The following MLLT3 variants were observed in gnomAD, a reference collection of about 807,000 sequenced individuals.
MLLT3 encodes the protein MLLT3 super elongation complex subunit.
In MLLT3, 4 loss-of-function variants were observed where a neutral mutation model predicts 53.2. The ratio of observed to expected loss-of-function variants is 0.08; its 90% confidence interval spans 0.04 to 0.17. The LOEUF is 0.17. Among genes scored for constraint, MLLT3 ranks in the 10% least tolerant of loss-of-function variants. The probability of loss-of-function intolerance (pLI) is 1.00; values close to 1 mark genes in which losing one functional copy is unlikely to be tolerated. For synonymous variants in MLLT3, 283 were observed against 230.6 expected (o/e 1.23, Z -2.06); for missense variants, 569 against 684.0 (o/e 0.83, Z 1.87).
At chr9:20,495,396 A>T (rs1023424216) in intron 2 of MLLT3, among the ~76,000 whole-genome samples, 1 of 152,204 alleles carries the variant, frequency 6.6e-6, no homozygotes, top group Non-Finnish European at 1.5e-5. Flanking sequence ...GAGAAGCACT[A>T]GTCTAGAGGT....
chr9:20,444,342 T>C (rs1024403904), intron 4 of MLLT3, among the ~76,000 whole-genome samples: 4 of 152,148 alleles, frequency 2.6e-5, no homozygotes, highest in Non-Finnish European at 4.4e-5. Context: ...CAGAGTACAC[T>C]TGGTCCTTTT....
chr9:20,544,642 A>G (rs1184559949), intron 2 of MLLT3, among the ~76,000 whole-genome samples: 2 of 152,256 alleles, frequency 1.3e-5, no homozygotes, highest in Admixed American at 1.3e-4. Context: ...TTGGGGATAC[A>G]AAATGGTAGA....
rs574367437 is a variant in MLLT3 at position 20,621,345 on chromosome 9, G to A, written c.13-511C>T. Among the ~76,000 whole-genome samples the A allele has an allele frequency of 2.4e-4, 37 of 152,160 alleles. No homozygotes were observed. Among genetic ancestry groups the A allele is most frequent in the African/African-American group, 8.2e-4 (34 of 41,508 alleles). ...GCGTGCGTGTGGAGCGCTGTGCCAG[G>A]CGAAATGGAAACTACAGGCAGCCTC... On this transcript the variant is annotated intron_variant, in intron 1 of 10. Coordinates refer to ENST00000380338, the MANE Select transcript of MLLT3 (RefSeq NM_004529.4). This position sits in a 1 kb window ranked among gnomAD's most constrained non-coding sequence, Gnocchi z 7.0.
intron 5 of MLLT3, among the ~76,000 whole-genome samples, chr9:20,403,568 G>C (rs1822508141): frequency 6.6e-6 from 1 of 152,166 alleles, no homozygotes; most frequent in African/African-American, 2.4e-5. Flanking sequence ...AAAGTTGATA[G>C]ACAATGACAG....
intron 2 of MLLT3, among the ~76,000 whole-genome samples, chr9:20,457,099 C>A (rs1160133537): frequency 6.6e-6 from 1 of 152,108 alleles, no homozygotes; most frequent in African/African-American, 2.4e-5. Flanking sequence ...TTTAGGGAAA[C>A]TGATGATTGC....
At chr9:20,490,321 A>G (rs1269409022) in intron 2 of MLLT3, among the ~76,000 whole-genome samples, 1 of 152,242 alleles carries the variant, frequency 6.6e-6, no homozygotes, top group Non-Finnish European at 1.5e-5. Context: ...AAAAGTGAAG[A>G]ACTTTCTTCA....
intron 5 of MLLT3, among the ~76,000 whole-genome samples, chr9:20,376,092 GA>G (rs1228367134): frequency 6.6e-6 from 1 of 151,864 alleles, no homozygotes; most frequent in African/African-American, 2.4e-5. Context: ...TAATATCCAA[GA>G]AAAAAATACC....
At chr9:20,514,516 A>AT (rs145034146) in intron 2 of MLLT3, among the ~76,000 whole-genome samples, 3,997 of 148,932 alleles carry the variant, frequency 0.027, 134 homozygotes, top group Middle Eastern at 0.087. Context: ...TTATTTTTTT[A>AT]TTTTTTTTTT....
At chr9:20,537,111 T>C (rs1818509636) in intron 2 of MLLT3, among the ~76,000 whole-genome samples, 1 of 152,238 alleles carries the variant, frequency 6.6e-6, no homozygotes, top group Non-Finnish European at 1.5e-5. Flanking sequence ...ATGAGCTGTT[T>C]CAACATATGC....
At chr9:20,503,572 C>T (rs1039849145) in intron 2 of MLLT3, among the ~76,000 whole-genome samples, 2 of 152,034 alleles carry the variant, frequency 1.3e-5, no homozygotes, top group South Asian at 2.1e-4. Context: ...CAAATGTAAA[C>T]CTTGAAACCA....
intron 4 of MLLT3, among the ~76,000 whole-genome samples, chr9:20,419,395 A>C (rs546063942): frequency 4.0e-4 from 61 of 152,114 alleles, no homozygotes; most frequent in African/African-American, 1.4e-3. Flanking sequence ...CCTAACATAC[A>C]GCCATAAGAA....
intron 2 of MLLT3, among the ~76,000 whole-genome samples, chr9:20,491,653 G>C (rs1238085509): frequency 6.6e-6 from 1 of 152,114 alleles, no homozygotes; most frequent in Middle Eastern, 3.2e-3. Context: ...CAAAACTCAA[G>C]TGAGAAATCA....
At chr9:20,527,912 A>C (rs1587028992) in intron 2 of MLLT3, among the ~76,000 whole-genome samples, 1 of 152,216 alleles carries the variant, frequency 6.6e-6, no homozygotes, top group African/African-American at 2.4e-5. Context: ...CATTTATTAC[A>C]CGGTATCCTG....
chr9:20,433,356 T>C (rs760659846), intron 4 of MLLT3, among the ~76,000 whole-genome samples: 4 of 152,060 alleles, frequency 2.6e-5, no homozygotes, highest in Non-Finnish European at 5.9e-5. Context: ...TATAACCCAT[T>C]GAAAAAATAT....
chr9:20,549,868 T>G lies in MLLT3; in HGVS notation c.193+70786A>C, dbSNP rs1167480308. Among the ~76,000 whole-genome samples, 3 of 152,332 alleles carry G rather than the reference T, an allele frequency of 2.0e-5. No homozygotes were observed. The East Asian group carries it at 5.8e-4, about 29-fold the overall frequency. On this transcript the variant is annotated intron_variant, in intron 2 of 10. Transcript: ENST00000380338. ...GACCACCATCTCTCTTCTTAGCACA[T>G]GCGTGCAGAAAATCTAGTTCCAAAA...
chr9:20,595,709 T>C (rs1820243934), intron 2 of MLLT3, among the ~76,000 whole-genome samples: 1 of 152,202 alleles, frequency 6.6e-6, no homozygotes, highest in Non-Finnish European at 1.5e-5. Flanking sequence ...GTTTGAAAGA[T>C]ACAAAGTGTC....
In MLLT3 at chr9:20,414,060, C is replaced by T. The variant is rs763597301; in HGVS notation, c.786G>A (p.Glu262=). 3.7e-6 allele frequency: 6 copies of T among 1,614,074 alleles called. No individual in the cohort carries two copies. Among genetic ancestry groups the T allele is most frequent in the Middle Eastern group, 3.3e-4 (2 of 6,062 alleles). Residue 262 remains glutamate, a synonymous_variant, in exon 5 of 11, where the codon GAG becomes GAA. Coordinates refer to ENST00000380338, the MANE Select transcript of MLLT3 (RefSeq NM_004529.4). ...TGAGTAAGTTACTATCTGGTTTTGG[C>T]TCTTTTGACATGGGTTTAGGTTCCT... is the stretch of plus-strand genomic sequence containing the variant. ...AFKEPKPMSK[E]PKPDSNLLTI... is the part of the protein sequence containing the mutation.
At chr9:20,382,768 C>T (rs1398455489) in intron 5 of MLLT3, among the ~76,000 whole-genome samples, 1 of 151,872 alleles carries the variant, frequency 6.6e-6, no homozygotes, top group African/African-American at 2.4e-5. Context: ...TTTAGAATTC[C>T]AGAATGTTTT....
At chr9:20,555,417 G>T (rs145680879) in intron 2 of MLLT3, among the ~76,000 whole-genome samples, 1 of 151,972 alleles carries the variant, frequency 6.6e-6, no homozygotes, top group Non-Finnish European at 1.5e-5. Flanking sequence ...AAAGTCCTAG[G>T]ATTACAGGCG....
Sources: gnomAD v4.1 joint callset for allele counts (sites outside exome capture counted in the v4.1 genomes callset) on GRCh38, gnomAD v4.1.1 for gene constraint, Gnocchi (gnomAD v3.1) non-coding constraint, MANE v1.5 for transcripts, NCBI Gene and HGNC (gene_info 2026-07-23, HGNC 2026-07-21) for gene names.